Variants in PCDH11Y observed in about 807,000 individuals in gnomAD.
The protein encoded by PCDH11Y is protocadherin 11 Y-linked.
For missense variants in PCDH11Y, 12 were observed against 224.8 expected, an observed-to-expected ratio of 0.05 and a Z score of 6.05; for synonymous variants, 9 against 83.6, an observed-to-expected ratio of 0.11 and a Z score of 4.87.
At chrY:5,216,379 C>CT in intron 2 of PCDH11Y, among the ~76,000 whole-genome samples, 1 of 30,037 alleles carries the variant, frequency 3.3e-5, no homozygotes, top group South Asian at 7.3e-4. Context: ...TTTTTAATTT[C>CT]TTTTTTTTTG....
chrY:5,317,507 C>A, intron 2 of PCDH11Y, among the ~76,000 whole-genome samples: 1 of 32,862 alleles, frequency 3.0e-5, no homozygotes, highest in South Asian at 6.8e-4. Flanking sequence ...GGTTTACCAC[C>A]ATCCTCCTTA....
intron 2 of PCDH11Y, among the ~76,000 whole-genome samples, chrY:5,399,495 A>AT (rs1442754679): frequency 1.0e-3 from 22 of 22,013 alleles, no homozygotes; most frequent in East Asian, 3.3e-3. Flanking sequence ...AGACTGTAGA[A>AT]TTTTTTTTTT....
At chrY:5,205,921 G>T in intron 2 of PCDH11Y, among the ~76,000 whole-genome samples, 2 of 30,826 alleles carry the variant, frequency 6.5e-5, no homozygotes. Context: ...GAAAAATTTG[G>T]CTTGTCCTTG....
At chrY:5,200,526 G>C in intron 2 of PCDH11Y, among the ~76,000 whole-genome samples, 1 of 33,103 alleles carries the variant, frequency 3.0e-5, no homozygotes, top group African/African-American at 1.2e-4. Context: ...TCTCTTATTA[G>C]CCATAGACCC....
chrY:5,414,889 G>A (rs1602922285), intron 2 of PCDH11Y, among the ~76,000 whole-genome samples: 1 of 31,989 alleles, frequency 3.1e-5, no homozygotes, highest in East Asian at 8.3e-4. Flanking sequence ...TCAGCCTCCC[G>A]AGCAGCTGGG....
chrY:5,025,426 A>AT (rs2052577379), intron 1 of PCDH11Y, among the ~76,000 whole-genome samples: 1 of 33,006 alleles, frequency 3.0e-5, no homozygotes, highest in Non-Finnish European at 7.5e-5. Flanking sequence ...TTTCAATCAC[A>AT]TATGGATAGA....
intron 3 of PCDH11Y, among the ~76,000 whole-genome samples, chrY:5,558,773 T>G: frequency 3.2e-5 from 1 of 31,679 alleles, no homozygotes; most frequent in Non-Finnish European, 7.7e-5. Context: ...TTTAAAGGAA[T>G]CAGGAGAAGT....
At chrY:5,572,001 T>C in intron 3 of PCDH11Y, among the ~76,000 whole-genome samples, 1 of 32,874 alleles carries the variant, frequency 3.0e-5, no homozygotes, top group Non-Finnish European at 7.5e-5. Context: ...ACTTTATCCT[T>C]CTGTCTCCTC....
chrY:5,231,393 A>C, intron 2 of PCDH11Y, among the ~76,000 whole-genome samples: 1 of 33,610 alleles, frequency 3.0e-5, no homozygotes, highest in Non-Finnish European at 7.4e-5. Context: ...TTGCAGACGC[A>C]TAGTGGTGCT....
chrY:5,637,146 T>G, intron 4 of PCDH11Y, among the ~76,000 whole-genome samples: 1 of 33,801 alleles, frequency 3.0e-5, no homozygotes, highest in South Asian at 6.5e-4. Context: ...GATAGCATTT[T>G]CATTCACAGG....
chrY:5,741,567 G>A, exon 5 of PCDH11Y: 1 of 31,894 alleles, frequency 3.1e-5, no homozygotes, highest in African/African-American at 1.2e-4. Flanking sequence ...CAAATTTATA[G>A]TTAGTTTAGG....
At chrY:5,489,814 C>T (rs2053336674) in intron 2 of PCDH11Y, among the ~76,000 whole-genome samples, 1 of 32,187 alleles carries the variant, frequency 3.1e-5, no homozygotes, top group African/African-American at 1.2e-4. Context: ...CATAGTTTCA[C>T]GGTAAGTTGT....
At chrY:5,372,905 CCTTCCT>C (rs2053189783) in intron 2 of PCDH11Y, among the ~76,000 whole-genome samples, 1 of 5,982 alleles carries the variant, frequency 1.7e-4, no homozygotes, top group Non-Finnish European at 4.5e-4. Context: ...TTCCTTCCTT[CCTTCCT>C]TCCTTCCCTC....
intron 2 of PCDH11Y, among the ~76,000 whole-genome samples, chrY:5,459,732 A>G (rs2053301544): frequency 3.0e-5 from 1 of 33,237 alleles, no homozygotes; most frequent in East Asian, 7.9e-4. Flanking sequence ...TTTAATTTGT[A>G]TTTGTTTTAA....
At chrY:5,205,908 C>A (rs2052931810) in intron 2 of PCDH11Y, among the ~76,000 whole-genome samples, 1 of 30,789 alleles carries the variant, frequency 3.2e-5, no homozygotes, top group Non-Finnish European at 7.7e-5. Flanking sequence ...TTCAATTATT[C>A]AAGAAAAATT....
intron 2 of PCDH11Y, among the ~76,000 whole-genome samples, chrY:5,115,649 A>G (rs2052808224): frequency 3.1e-5 from 1 of 31,802 alleles, no homozygotes; most frequent in Non-Finnish European, 7.6e-5. Context: ...TAAAATTTTA[A>G]GGAATGAACT....
intron 3 of PCDH11Y, among the ~76,000 whole-genome samples, chrY:5,549,266 AC>A (rs2053416067): frequency 3.2e-5 from 1 of 31,109 alleles, no homozygotes; most frequent in Non-Finnish European, 7.8e-5. Context: ...TAAGAAAAAA[AC>A]AAACAACCCC....
intron 2 of PCDH11Y, among the ~76,000 whole-genome samples, chrY:5,378,074 A>T: frequency 3.1e-5 from 1 of 32,128 alleles, no homozygotes; most frequent in Middle Eastern, 0.014. Flanking sequence ...ACTTAGTTAA[A>T]TTTTTTTTGA....
At chrY:5,689,761 G>A (rs1317513582) in intron 4 of PCDH11Y, among the ~76,000 whole-genome samples, 2 of 23,057 alleles carry the variant, frequency 8.7e-5, no homozygotes, top group Admixed American at 4.6e-4. Context: ...GGGTAGGAGG[G>A]AGAGAGAAGA....
Sources: gnomAD v4.1 joint callset for allele counts (sites outside exome capture counted in the v4.1 genomes callset) on GRCh38, gnomAD v4.1.1 for gene constraint, MANE v1.5 for transcripts, NCBI Gene and HGNC (gene_info 2026-07-23, HGNC 2026-07-21) for gene names.